CADPS: variants seen among roughly 807,000 people sequenced by gnomAD.
CADPS encodes the protein calcium dependent secretion activator, also known as calcium-dependent secretion activator 1.
In CADPS, 57 loss-of-function variants were observed where a neutral mutation model predicts 167.3. That is an observed-to-expected ratio of 0.34 (90% CI 0.28 to 0.42). The LOEUF (loss-of-function observed/expected upper bound fraction) is 0.42. Among genes scored for constraint, CADPS ranks in the 20% least tolerant of loss-of-function variants. CADPS has a pLI of 1.00. For missense variants in CADPS, 1,414 were observed against 1,738.1 expected (o/e 0.81, Z 3.32); for synonymous variants, 676 against 635.3 (o/e 1.06, Z -0.96).
rs72887760 is a variant in CADPS, at chr3:62,492,457, T to C, written c.2728-11A>G. 6.2e-7 allele frequency: 1 copy of C among 1,610,942 alleles called. No homozygotes were observed. Among genetic ancestry groups the C allele is most frequent in the Non-Finnish European group, 8.5e-7 (1 of 1,177,874 alleles). ...CCACCACGCAAAGGCCTTTAAAATTTGGCAGAAAAACAATAGACAAAGAAG... is the reference window on the plus strand; with the variant it reads ...CCACCACGCAAAGGCCTTTAAAATTCGGCAGAAAAACAATAGACAAAGAAG... On this transcript the variant is annotated splice_polypyrimidine_tract_variant and intron_variant, in intron 19 of 29. Coordinates refer to ENST00000383710, the MANE Select transcript of CADPS (RefSeq NM_003716.4).
At chr3:62,456,810 A>G (rs909305497) in intron 26 of CADPS, among the ~76,000 whole-genome samples, 1 of 152,036 alleles carries the variant, frequency 6.6e-6, no homozygotes, top group Non-Finnish European at 1.5e-5. Context: ...AAATATAAGT[A>G]AGATAGTGTT....
intron 1 of CADPS, among the ~76,000 whole-genome samples, chr3:62,835,878 G>A (rs940721890): frequency 6.6e-6 from 1 of 152,142 alleles, no homozygotes; most frequent in African/African-American, 2.4e-5. Context: ...AAATATTTTT[G>A]TTACTGGGGG....
intron 1 of CADPS, among the ~76,000 whole-genome samples, chr3:62,828,177 C>T (rs553479984): frequency 1.3e-5 from 2 of 152,126 alleles, no homozygotes; most frequent in South Asian, 2.1e-4. Flanking sequence ...GGGAGTTAAA[C>T]CCTCCATTCC....
Position 62,592,723 on chromosome 3 carries a change from TGGA to T in CADPS, c.1348_1350del (p.Ser450del), listed in dbSNP as rs1293987409. ...TTCACAGCTGGCAGTGCATGGGTTG[TGGA>T]GAAGTCACCCTGGGTGCCCCAGCTG... On this transcript the variant is annotated inframe_deletion, in exon 7 of 30. Transcript: ENST00000383710. 6.2e-7 allele frequency: 1 copy of T among 1,614,136 alleles called. No individual in the cohort carries two copies.
intron 9 of CADPS, among the ~76,000 whole-genome samples, chr3:62,567,462 T>C (rs1202254513): frequency 6.6e-6 from 1 of 150,804 alleles, no homozygotes; most frequent in Non-Finnish European, 1.5e-5. Flanking sequence ...GCACAGTCTA[T>C]CGGGGAGGCC....
intron 28 of CADPS, among the ~76,000 whole-genome samples, chr3:62,417,882 A>AG (rs1436633828): frequency 6.6e-6 from 1 of 152,050 alleles, no homozygotes; most frequent in Non-Finnish European, 1.5e-5. Context: ...TAATAAAAGT[A>AG]GGCAGAGAAC....
intron 1 of CADPS, among the ~76,000 whole-genome samples, chr3:62,822,706 G>A (rs2073209807): frequency 6.6e-6 from 1 of 152,094 alleles, no homozygotes; most frequent in African/African-American, 2.4e-5. Context: ...GCTGGGCGTG[G>A]TAGCGCATGC....
intron 1 of CADPS, among the ~76,000 whole-genome samples, chr3:62,795,644 G>A (rs1296915846): frequency 1.3e-5 from 2 of 152,080 alleles, no homozygotes; most frequent in Admixed American, 6.6e-5. Context: ...TGCCCACAAA[G>A]TGCCAGACAT....
At chr3:62,507,380 G>T (rs926778634) in intron 17 of CADPS, among the ~76,000 whole-genome samples, 5 of 151,876 alleles carry the variant, frequency 3.3e-5, no homozygotes, top group African/African-American at 9.7e-5. Flanking sequence ...ATCATCATCA[G>T]ATTGTGATTG....
chr3:62,442,835 G>A (rs2056579206), intron 27 of CADPS, among the ~76,000 whole-genome samples: 1 of 152,046 alleles, frequency 6.6e-6, no homozygotes, highest in Non-Finnish European at 1.5e-5. Context: ...CTATAAAACA[G>A]AATGATAATA....
intron 6 of CADPS, among the ~76,000 whole-genome samples, chr3:62,637,505 C>T (rs977585938): frequency 2.2e-4 from 34 of 152,236 alleles, no homozygotes; most frequent in African/African-American, 7.7e-4. Flanking sequence ...GTATGTGGGT[C>T]GAATTATGCC....
intron 6 of CADPS, among the ~76,000 whole-genome samples, chr3:62,609,410 G>T (rs1377875884): frequency 7.9e-5 from 12 of 152,138 alleles, no homozygotes; most frequent in South Asian, 2.1e-4. Context: ...ACCTTTTAAG[G>T]TTTCCACCAC....
chr3:62,714,242 C>A (rs932692124), intron 3 of CADPS, among the ~76,000 whole-genome samples: 1 of 152,164 alleles, frequency 6.6e-6, no homozygotes, highest in East Asian at 1.9e-4. Context: ...TGTTACAAAG[C>A]AGTTGAATTA....
At chr3:62,676,808 G>T (rs183163758) in intron 3 of CADPS, among the ~76,000 whole-genome samples, 1 of 152,114 alleles carries the variant, frequency 6.6e-6, no homozygotes, top group Non-Finnish European at 1.5e-5. Flanking sequence ...CCTGACATGT[G>T]CAGTTGTGTT....
At chr3:62,771,149 T>C (rs542464374) in intron 1 of CADPS, among the ~76,000 whole-genome samples, 47 of 152,362 alleles carry the variant, frequency 3.1e-4, no homozygotes, top group African/African-American at 1.1e-3. Context: ...GTTGTACTTC[T>C]TGTTTATAGC....
chr3:62,760,484 G>A (rs1388535256), intron 2 of CADPS, among the ~76,000 whole-genome samples: 4 of 151,938 alleles, frequency 2.6e-5, no homozygotes, highest in South Asian at 2.1e-4. Context: ...TGAACCTCTG[G>A]CCCCAAGAGG....
chr3:62,874,735 C>T lies in CADPS; in HGVS notation c.295G>A (p.Glu99Lys). The change falls in exon 1 of 30, where the codon GAG becomes AAG. Residue 99 changes from glutamate to lysine, a missense_variant. By Grantham distance (56) the Glu-to-Lys change is moderately conservative. Around this residue, in one of 6 missense-constraint regions of CADPS, gnomAD observed 522 missense variants for 559.5 expected, o/e 0.93. Coordinates refer to ENST00000383710, the MANE Select transcript of CADPS (RefSeq NM_003716.4). The surrounding 1 kb of genome is among the most constrained non-coding windows in gnomAD (Gnocchi z 7.1). ...CGCTCCAACTCTTCCTTCTCCTTCT[C>T]GCTCACCACCGACGGGCTGGGGCTG... is the stretch of plus-strand genomic sequence containing the variant. Reference protein sequence around the residue: ...PSSPSPSVVSEKEKEELERLQ... With the variant: ...PSSPSPSVVSKKEKEELERLQ... The T allele has an allele frequency of 6.6e-7, 1 of 1,520,852 alleles. No individual in the cohort carries two copies. Among genetic ancestry groups the T allele is most frequent in the Non-Finnish European group, 8.9e-7 (1 of 1,120,086 alleles). 94.2% of individuals were successfully genotyped at this position (1,520,852 alleles called of 1,614,324 possible). A position where few individuals can be genotyped will look rare whatever the true frequency, so the allele number is the denominator to read the frequency against.
At chr3:62,827,756 C>T (rs2074333038) in intron 1 of CADPS, among the ~76,000 whole-genome samples, 1 of 152,094 alleles carries the variant, frequency 6.6e-6, no homozygotes, top group South Asian at 2.1e-4. Context: ...CAGATTAAGC[C>T]ATATTTTTTT....
chr3:62,428,425 T>C (rs1374120552), intron 28 of CADPS, among the ~76,000 whole-genome samples: 1 of 151,220 alleles, frequency 6.6e-6, no homozygotes, highest in African/African-American at 2.4e-5. Context: ...TAACGTGCTG[T>C]TCCAGTTCCT....
Sources: allele counts gnomAD v4.1 joint callset (sites outside exome capture counted in the v4.1 genomes callset), GRCh38; gene constraint gnomAD v4.1.1; regional missense constraint gnomAD v4.1.1; non-coding constraint Gnocchi (gnomAD v3.1); transcripts MANE v1.5; gene names NCBI Gene and HGNC (gene_info 2026-07-23, HGNC 2026-07-21).